CACNA2D3: variants seen among roughly 807,000 people sequenced by gnomAD.
CACNA2D3 encodes the protein voltage-dependent calcium channel subunit alpha-2/delta-3.
In CACNA2D3, 60 loss-of-function variants were observed where a neutral mutation model predicts 160.6. The ratio of observed to expected loss-of-function variants is 0.37; its 90% CI spans 0.30 to 0.46. The LOEUF (loss-of-function observed/expected upper bound fraction) is 0.46. Ranked by LOEUF, CACNA2D3 falls within the 20% of genes least tolerant of loss-of-function variation. The probability of loss-of-function intolerance (pLI) is 1.00; values close to 1 mark genes in which losing one functional copy is unlikely to be tolerated. For synonymous variants in CACNA2D3, 558 were observed against 492.9 expected (o/e 1.13, Z -1.75); for missense variants, 1,205 against 1,365.0 (o/e 0.88, Z 1.85).
intron 18 of CACNA2D3, 55 bp from the exon 19 acceptor site, chr3:54,878,963 C>T (rs927092986): frequency 1.8e-6 from 2 of 1,124,800 alleles, no homozygotes; most frequent in Non-Finnish European, 1.3e-6. Context: ...GCAAGATGTC[C>T]AGATTACATG....
chr3:54,297,462 C>T (rs1036720044), intron 2 of CACNA2D3, among the ~76,000 whole-genome samples: 11 of 88,270 alleles, frequency 1.2e-4, no homozygotes, highest in Non-Finnish European at 1.6e-4. Context: ...AAAAGCGAGT[C>T]GGCATGCAGG....
chr3:54,924,883 C>T (rs1211400412), intron 27 of CACNA2D3: 1 of 1,613,728 alleles, frequency 6.2e-7, no homozygotes. Context: ...AGTCTGCTTT[C>T]CAGGGAAAGG....
intron 2 of CACNA2D3, among the ~76,000 whole-genome samples, chr3:54,247,329 C>CAAACAAAT (rs549331677): frequency 5.9e-5 from 9 of 151,756 alleles, no homozygotes; most frequent in African/African-American, 2.2e-4. Flanking sequence ...AACAAACAAA[C>CAAACAAAT]AAATAAATAA....
At chr3:54,499,122 T>C (rs1307598218) in intron 4 of CACNA2D3, among the ~76,000 whole-genome samples, 1 of 152,120 alleles carries the variant, frequency 6.6e-6, no homozygotes, top group Non-Finnish European at 1.5e-5. Context: ...TTGAAAGTAG[T>C]ATTGCTACAG....
chr3:54,338,467 CTGTG>C (rs71074965), intron 3 of CACNA2D3, among the ~76,000 whole-genome samples: 11,544 of 136,372 alleles, frequency 0.085, 467 homozygotes, highest in East Asian at 0.16. Context: ...TCTCCCCTCC[CTGTG>C]TGTGTGTGTG....
rs1434766070 is a variant in CACNA2D3, at chr3:54,846,483, T to C, written c.1626+16T>C. On this transcript the variant is annotated intron_variant, in intron 17 of 37. Transcript: ENST00000474759. ...CAGGCTGCTGGTAAGAGAAATTATG[T>C]ACTTCTGCATTTCTGCTTTTATGAT... 1 of 1,495,328 alleles carries C rather than the reference T, an allele frequency of 6.7e-7. No individual in the cohort carries two copies. The highest frequency in any genetic ancestry group is 9.2e-7 in the Non-Finnish European group (1 of 1,083,828). 92.6% of individuals were successfully genotyped at this position (1,495,328 alleles called of 1,614,324 possible). A position where few individuals can be genotyped will look rare whatever the true frequency, so the allele number is the denominator to read the frequency against.
At chr3:54,966,445 A>C (rs1702152532) in intron 27 of CACNA2D3, among the ~76,000 whole-genome samples, 1 of 152,164 alleles carries the variant, frequency 6.6e-6, no homozygotes, top group African/African-American at 2.4e-5. Flanking sequence ...CGTGGCCCAC[A>C]TCACAGTAGG....
intron 27 of CACNA2D3, among the ~76,000 whole-genome samples, chr3:54,940,481 C>T (rs1413325106): frequency 6.6e-6 from 1 of 152,180 alleles, no homozygotes; most frequent in African/African-American, 2.4e-5. Context: ...ACACAGACAG[C>T]TCACAGAGCT....
intron 11 of CACNA2D3, among the ~76,000 whole-genome samples, chr3:54,689,217 G>C (rs1249470178): frequency 1.3e-5 from 2 of 152,026 alleles, no homozygotes; most frequent in Non-Finnish European, 2.9e-5. Flanking sequence ...TGGCTGCCAG[G>C]ATACTGAGGC....
chr3:54,320,648 A>G (rs1421694675), intron 3 of CACNA2D3, 90 bp downstream of exon 3: 1 of 619,894 alleles, frequency 1.6e-6, no homozygotes, highest in African/African-American at 1.9e-5. Context: ...CTCAAAGATA[A>G]AAGTTGACTC....
chr3:54,277,228 C>T (rs746326798), intron 2 of CACNA2D3, among the ~76,000 whole-genome samples: 25 of 152,202 alleles, frequency 1.6e-4, no homozygotes, highest in Non-Finnish European at 2.8e-4. Flanking sequence ...ATGATATTGC[C>T]TAGGTTTTCT....
intron 11 of CACNA2D3, among the ~76,000 whole-genome samples, chr3:54,667,921 T>C (rs1700096241): frequency 6.7e-6 from 1 of 148,494 alleles, no homozygotes. Context: ...CACTCCAGCC[T>C]GGGCGACAGA....
intron 11 of CACNA2D3, among the ~76,000 whole-genome samples, chr3:54,714,077 ATATG>A (rs1438625282): frequency 2.6e-5 from 4 of 152,164 alleles, no homozygotes; most frequent in Non-Finnish European, 2.9e-5. Flanking sequence ...TTGGAAAGAA[ATATG>A]TTGCAGGTCC....
intron 13 of CACNA2D3, among the ~76,000 whole-genome samples, chr3:54,766,502 T>A (rs1043136918): frequency 3.2e-4 from 48 of 152,318 alleles, no homozygotes; most frequent in African/African-American, 1.0e-3. Context: ...AGGGACACTC[T>A]TATTCATTGA....
intron 27 of CACNA2D3, among the ~76,000 whole-genome samples, chr3:54,928,605 A>G (rs1293361894): frequency 6.6e-6 from 1 of 152,144 alleles, no homozygotes; most frequent in Non-Finnish European, 1.5e-5. Flanking sequence ...CCTGAAATTC[A>G]TAGCCATGGT....
chr3:54,439,151 G>A (rs1476330161), intron 4 of CACNA2D3, among the ~76,000 whole-genome samples: 1 of 152,138 alleles, frequency 6.6e-6, no homozygotes, highest in African/African-American at 2.4e-5. Flanking sequence ...TGGCAGTTGG[G>A]GGTGCCCACC....
chr3:54,368,693 CTTTTTTTTTTTT>C lies in CACNA2D3; in HGVS notation c.322-18007_322-17996del, dbSNP rs33976949. On this transcript the variant is annotated intron_variant, in intron 3 of 37. Coordinates refer to ENST00000474759, the MANE Select transcript of CACNA2D3 (RefSeq NM_018398.3). ...CAAGGTAATATTTGGGGGTAGGGTT[CTTTTTTTTTTTT>C]TTTTTTTTTTTTTTGAGGCGGAGTC... 5.3e-4 allele frequency among the ~76,000 whole-genome samples: 38 copies of C among 71,538 alleles called. 2 individuals are homozygous for C. Among genetic ancestry groups the C allele is most frequent in the Admixed American group, 9.0e-4 (4 of 4,460 alleles). 46.9% of individuals were successfully genotyped at this position (71,538 alleles called of 152,430 possible).
At chr3:55,055,527 T>C (rs1013043138) in intron 35 of CACNA2D3, among the ~76,000 whole-genome samples, 1 of 152,148 alleles carries the variant, frequency 6.6e-6, no homozygotes, top group Non-Finnish European at 1.5e-5. Context: ...CCTTGGCTGT[T>C]AGGGACTTGT....
In CACNA2D3 at chr3:54,817,083, G is replaced by T. The variant is rs551681933; in HGVS notation, c.1398+213G>T. 7.9e-5 allele frequency among the ~76,000 whole-genome samples: 12 copies of T among 152,276 alleles called. No homozygotes were observed. In the East Asian group the frequency reaches 2.3e-3, roughly 29 times the overall value. ...TAGTCCCTCCAAAGGACCCTATAGT[G>T]GCCAGTGATTGGGAGGTGAATCTGT... On this transcript the variant is annotated intron_variant, in intron 14 of 37. Transcript: ENST00000474759.
Sources: allele counts gnomAD v4.1 joint callset (sites outside exome capture counted in the v4.1 genomes callset), GRCh38; gene constraint gnomAD v4.1.1; transcripts MANE v1.5; gene names NCBI Gene and HGNC (gene_info 2026-07-23, HGNC 2026-07-21).